FTO: variants seen among roughly 807,000 people sequenced by gnomAD.
FTO encodes alpha-ketoglutarate-dependent dioxygenase FTO.
Under a neutral mutation model 63.9 loss-of-function variants are expected in FTO, and 47 were observed. That is an observed-to-expected ratio of 0.74 (90% confidence interval 0.58 to 0.94). The LOEUF (loss-of-function observed/expected upper bound fraction) is 0.94, where lower values mean the gene tolerates loss of function less well. FTO is among the 40% of genes least tolerant of loss of function. The pLI is 0.00. For missense variants in FTO, 562 were observed against 618.1 expected (o/e 0.91, Z 0.96); for synonymous variants, 207 against 224.4 (o/e 0.92, Z 0.69).
At chr16:53,951,934 T>G (rs542567889) in intron 8 of FTO, among the ~76,000 whole-genome samples, 1 of 152,274 alleles carries the variant, frequency 6.6e-6, no homozygotes, top group East Asian at 1.9e-4. Flanking sequence ...AATGCTGGCC[T>G]TATAAACTGG....
At chr16:53,734,184 G>T (rs572115842) in intron 1 of FTO, among the ~76,000 whole-genome samples, 1 of 152,150 alleles carries the variant, frequency 6.6e-6, no homozygotes, top group Non-Finnish European at 1.5e-5. Flanking sequence ...TTTTGCACTT[G>T]TTAGTATAAT....
chr16:54,008,960 T>C (rs2084275953), intron 8 of FTO, among the ~76,000 whole-genome samples: 2 of 151,792 alleles, frequency 1.3e-5, no homozygotes, highest in South Asian at 4.2e-4. Flanking sequence ...TGCAGTGAGC[T>C]ATGATCATGC....
At chr16:53,787,917 G>C (rs536046472) in intron 1 of FTO, among the ~76,000 whole-genome samples, 4 of 152,322 alleles carry the variant, frequency 2.6e-5, no homozygotes, top group African/African-American at 9.6e-5. Context: ...TGCTGATTCT[G>C]TGTGATTGGC....
intron 8 of FTO, among the ~76,000 whole-genome samples, chr16:54,055,552 CAA>C (rs1412341111): frequency 5.9e-5 from 9 of 152,180 alleles, no homozygotes; most frequent in African/African-American, 1.2e-4. Context: ...TAAACACTAA[CAA>C]AGAGTCTTAA....
Position 53,743,111 on chromosome 16 carries a change from A to G in FTO, c.45+38882A>G, listed in dbSNP as rs562564455. On this transcript the variant is annotated intron_variant, in intron 1 of 8. Coordinates refer to ENST00000471389, the MANE Select transcript of FTO (RefSeq NM_001080432.3). ...CCTTTCCACTGTCAGGCTCTCAACA[A>G]TCTATAGAAGCCTTGAATTTTCGTT... is the stretch of plus-strand genomic sequence containing the variant. Among the ~76,000 whole-genome samples the G allele has an allele frequency of 8.5e-5, 13 of 152,268 alleles. No homozygotes were observed. In the East Asian group the frequency reaches 1.9e-3, roughly 23 times the overall value.
rs1235095892 is a variant in FTO at position 53,911,288 on chromosome 16, AC to A, written c.1239+22339del. ...GAGTAAAGGAGAACAAAGTAGGGTGACCTAGTCTGAAGGACAGGCGCAGAAC... is the reference window on the plus strand; with the variant it reads ...GAGTAAAGGAGAACAAAGTAGGGTGACTAGTCTGAAGGACAGGCGCAGAAC... On this transcript the variant is annotated intron_variant, in intron 7 of 8. Coordinates refer to ENST00000471389, the MANE Select transcript of FTO (RefSeq NM_001080432.3). 27 of 678,586 alleles carry A rather than the reference AC, an allele frequency of 4.0e-5. 1 individual carries two copies. The highest frequency in any genetic ancestry group is 6.7e-5 in the Non-Finnish European group (25 of 372,268). 42.0% of individuals were successfully genotyped at this position (678,586 alleles called of 1,614,324 possible).
At chr16:53,879,208 A>T (rs1414051831) in intron 5 of FTO, among the ~76,000 whole-genome samples, 1 of 152,226 alleles carries the variant, frequency 6.6e-6, no homozygotes, top group Non-Finnish European at 1.5e-5. Context: ...ATGTTGTAGT[A>T]TATATAGAAA....
At chr16:53,894,287 G>T (rs2081224250) in intron 7 of FTO, among the ~76,000 whole-genome samples, 1 of 152,184 alleles carries the variant, frequency 6.6e-6, no homozygotes, top group Non-Finnish European at 1.5e-5. Context: ...TGGCTGTGTG[G>T]ATGAGTCTTC....
chr16:54,009,809 A>G (rs1379665842), intron 8 of FTO, among the ~76,000 whole-genome samples: 1 of 152,108 alleles, frequency 6.6e-6, no homozygotes, highest in East Asian at 1.9e-4. Flanking sequence ...CTTTCCTGTC[A>G]TGTAACTCCC....
intron 7 of FTO, among the ~76,000 whole-genome samples, chr16:53,904,559 G>A (rs1485559551): frequency 6.6e-6 from 1 of 152,166 alleles, no homozygotes; most frequent in Non-Finnish European, 1.5e-5. Context: ...ATGCAGTGAT[G>A]TTATTACGTG....
At chr16:54,052,275 CT>C (rs1449784176) in intron 8 of FTO, among the ~76,000 whole-genome samples, 4 of 151,998 alleles carry the variant, frequency 2.6e-5, no homozygotes, top group African/African-American at 9.7e-5. Flanking sequence ...GACATCTTGA[CT>C]TTTTTTTAAT....
intron 8 of FTO, among the ~76,000 whole-genome samples, chr16:53,950,169 A>AAAAAAAAAAAC (rs2082751292): frequency 6.7e-6 from 1 of 148,264 alleles, no homozygotes; most frequent in Non-Finnish European, 1.5e-5. Flanking sequence ...AAAAAAAAAA[A>AAAAAAAAAAAC]AAAAAAAAAA....
chr16:53,718,969 A>G (rs1382347516), intron 1 of FTO, among the ~76,000 whole-genome samples: 1 of 152,234 alleles, frequency 6.6e-6, no homozygotes, highest in East Asian at 1.9e-4. Context: ...TATATAACAT[A>G]CATGTTGAAC....
intron 8 of FTO, among the ~76,000 whole-genome samples, chr16:54,073,570 C>T (rs1463314177): frequency 6.6e-6 from 1 of 150,992 alleles, no homozygotes; most frequent in African/African-American, 2.4e-5. Flanking sequence ...ATTAGGAAAG[C>T]TAGTGGTTAC....
intron 1 of FTO, among the ~76,000 whole-genome samples, chr16:53,727,028 A>T (rs1802832704): frequency 6.6e-6 from 1 of 152,212 alleles, no homozygotes; most frequent in South Asian, 2.1e-4. Flanking sequence ...ATATATCTTC[A>T]ATCAGGAGAA....
At chr16:53,901,307 T>TA (rs1370265286) in intron 7 of FTO, among the ~76,000 whole-genome samples, 6 of 152,326 alleles carry the variant, frequency 3.9e-5, no homozygotes, top group African/African-American at 1.4e-4. Flanking sequence ...ATGAACCACT[T>TA]ATGATTCTCT....
At chr16:54,010,383 G>C (rs1393439337) in intron 8 of FTO, among the ~76,000 whole-genome samples, 1 of 152,122 alleles carries the variant, frequency 6.6e-6, no homozygotes, top group Admixed American at 6.5e-5. Flanking sequence ...TCCAGCCTGG[G>C]TGACAGAGCA....
intron 8 of FTO, among the ~76,000 whole-genome samples, chr16:54,097,179 G>A (rs1488707291): frequency 6.6e-6 from 1 of 152,160 alleles, no homozygotes; most frequent in African/African-American, 2.4e-5. Context: ...TCATTGTACA[G>A]ATCTAAGTAA....
At chr16:53,953,033 C>T (rs905303328) in intron 8 of FTO, among the ~76,000 whole-genome samples, 1 of 152,258 alleles carries the variant, frequency 6.6e-6, no homozygotes, top group Admixed American at 6.5e-5. Flanking sequence ...GTCCAATGAA[C>T]GTTTCCAAGT....
Sources: allele counts gnomAD v4.1 joint callset (sites outside exome capture counted in the v4.1 genomes callset), GRCh38; gene constraint gnomAD v4.1.1; transcripts MANE v1.5; gene names NCBI Gene and HGNC (gene_info 2026-07-23, HGNC 2026-07-21).